Variants in DOCK8 observed in about 807,000 individuals in gnomAD.
DOCK8 encodes the protein dedicator of cytokinesis protein 8.
DOCK8 carries 141 observed loss-of-function variants against 245.6 expected under a neutral mutation model. That is an observed-to-expected ratio of 0.57 (90% CI 0.50 to 0.66). The LOEUF (loss-of-function observed/expected upper bound fraction) is 0.66. Among genes scored for constraint, DOCK8 ranks in the 30% least tolerant of loss-of-function variants. DOCK8 has a pLI of 0.00. For synonymous variants in DOCK8, 1,168 were observed against 970.2 expected (o/e 1.20, Z -3.79); for missense variants, 2,965 against 2,603.4 (o/e 1.14, Z -3.02).
intron 4 of DOCK8, among the ~76,000 whole-genome samples, chr9:291,675 G>A (rs1405111749): frequency 2.0e-5 from 3 of 151,914 alleles, no homozygotes; most frequent in South Asian, 4.2e-4. Context: ...GGAAAAATTT[G>A]TACATATTTA....
chr9:427,609 T>C (rs1587004405), intron 34 of DOCK8, among the ~76,000 whole-genome samples: 1 of 152,258 alleles, frequency 6.6e-6, no homozygotes, highest in South Asian at 2.1e-4. Context: ...GAAAAATGAG[T>C]TCTTACATGT....
intron 28 of DOCK8, among the ~76,000 whole-genome samples, chr9:409,756 G>A (rs919647222): frequency 2.1e-5 from 3 of 146,066 alleles, no homozygotes; most frequent in East Asian, 2.2e-4. Context: ...GACAGTCCCC[G>A]GTGTGTGATG....
At chr9:423,203 T>C (rs1028613432) in intron 33 of DOCK8, among the ~76,000 whole-genome samples, 1 of 151,934 alleles carries the variant, frequency 6.6e-6, no homozygotes, top group African/African-American at 2.4e-5. Flanking sequence ...TATAAAGAAA[T>C]GAAAGAATAA....
intron 23 of DOCK8, among the ~76,000 whole-genome samples, chr9:388,158 T>C (rs1168263526): frequency 6.6e-6 from 1 of 152,170 alleles, no homozygotes; most frequent in East Asian, 1.9e-4. Context: ...TGGGGGAGCA[T>C]GTCTTTCCTA....
At chr9:410,418 T>C (rs2055668367) in intron 28 of DOCK8, among the ~76,000 whole-genome samples, 1 of 152,208 alleles carries the variant, frequency 6.6e-6, no homozygotes, top group Non-Finnish European at 1.5e-5. Context: ...GTATGTCATA[T>C]TCCTTTGTCT....
chr9:333,807 G>A (rs2051171284), intron 10 of DOCK8, among the ~76,000 whole-genome samples: 2 of 151,966 alleles, frequency 1.3e-5, no homozygotes, highest in East Asian at 1.9e-4. Flanking sequence ...ATTTTTTGGA[G>A]TTTTCCAAGG....
chr9:327,893 C>G (rs1381676662), intron 8 of DOCK8, 129 bp from the exon 9 acceptor site: 2 of 856,668 alleles, frequency 2.3e-6, no homozygotes, highest in Non-Finnish European at 3.9e-6. Context: ...CTTTCCTAAA[C>G]CACATCTGTG....
chr9:343,975 A>G (rs1043991214), intron 14 of DOCK8, among the ~76,000 whole-genome samples: 7 of 152,238 alleles, frequency 4.6e-5, no homozygotes, highest in African/African-American at 1.2e-4. Flanking sequence ...GCATTAGTGC[A>G]CTGAATGATC....
At chr9:278,078 T>A (rs891359174) in intron 2 of DOCK8, among the ~76,000 whole-genome samples, 1 of 152,232 alleles carries the variant, frequency 6.6e-6, no homozygotes, top group Admixed American at 6.5e-5. Flanking sequence ...AAAATGAAGA[T>A]CTCAAGATAA....
intron 22 of DOCK8, among the ~76,000 whole-genome samples, chr9:384,787 G>A (rs1455785296): frequency 2.0e-5 from 3 of 152,088 alleles, no homozygotes; most frequent in Non-Finnish European, 4.4e-5. Flanking sequence ...GTGGTGGCGG[G>A]CGCCTGTAAT....
intron 7 of DOCK8, among the ~76,000 whole-genome samples, chr9:320,127 T>C (rs912977297): frequency 3.3e-5 from 5 of 151,056 alleles, no homozygotes; most frequent in African/African-American, 7.3e-5. Flanking sequence ...GGTTCTGTGA[T>C]CAGAGATGGC....
chr9:291,117 A>G (rs143980915), intron 4 of DOCK8, among the ~76,000 whole-genome samples: 5 of 152,332 alleles, frequency 3.3e-5, no homozygotes, highest in Non-Finnish European at 5.9e-5. Flanking sequence ...CATTAGAGGT[A>G]CTTTCTGGAC....
At chr9:282,396 G>T (rs1260877151) in intron 2 of DOCK8, among the ~76,000 whole-genome samples, 1 of 148,788 alleles carries the variant, frequency 6.7e-6, no homozygotes, top group Non-Finnish European at 1.5e-5. Context: ...TGACAAGTTT[G>T]CTTTTTGTTT....
intron 1 of DOCK8, among the ~76,000 whole-genome samples, chr9:230,776 A>G (rs2047097065): frequency 6.6e-6 from 1 of 151,818 alleles, no homozygotes; most frequent in Admixed American, 6.6e-5. Flanking sequence ...AATGTGTTTG[A>G]GTTCATTGTA....
chr9:215,071 C>G lies in DOCK8; in HGVS notation c.53+42C>G, dbSNP rs778861232. On this transcript the variant is annotated intron_variant, in intron 1 of 47. Transcript: ENST00000432829. Reference sequence around the variant, plus strand: ...GGCGCGCAGGTTGCGGCCGGACAGCCCAGCGCTGGTGTGAAGCGGAGCTTC... The same window carrying G: ...GGCGCGCAGGTTGCGGCCGGACAGCGCAGCGCTGGTGTGAAGCGGAGCTTC... 3.2e-6 allele frequency: 5 copies of G among 1,545,406 alleles called. No individual in the cohort carries two copies. The South Asian group carries it at 5.9e-5, about 18-fold the overall frequency.
At chr9:254,977 T>C (rs1185109608) in intron 1 of DOCK8, among the ~76,000 whole-genome samples, 2 of 152,216 alleles carry the variant, frequency 1.3e-5, no homozygotes, top group Non-Finnish European at 2.9e-5. Flanking sequence ...TTCTTATTTT[T>C]GTATGCTAAA....
chr9:225,655 G>A (rs1755528780), intron 1 of DOCK8, among the ~76,000 whole-genome samples: 1 of 152,092 alleles, frequency 6.6e-6, no homozygotes, highest in Non-Finnish European at 1.5e-5. Flanking sequence ...AAGATAGACA[G>A]GGTTCTTATT....
intron 28 of DOCK8, among the ~76,000 whole-genome samples, chr9:411,505 A>G (rs1441940422): frequency 6.6e-6 from 1 of 152,128 alleles, no homozygotes; most frequent in African/African-American, 2.4e-5. Flanking sequence ...GAATTCTACC[A>G]AATATTTTTA....
chr9:270,142 T>C (rs1587695772), intron 1 of DOCK8, among the ~76,000 whole-genome samples: 1 of 152,238 alleles, frequency 6.6e-6, no homozygotes, highest in Non-Finnish European at 1.5e-5. Context: ...GTAGAATACT[T>C]ACTTCCTATC....
Sources: allele counts gnomAD v4.1 joint callset (sites outside exome capture counted in the v4.1 genomes callset), GRCh38; gene constraint gnomAD v4.1.1; transcripts MANE v1.5; gene names NCBI Gene and HGNC (gene_info 2026-07-23, HGNC 2026-07-21).